Variants in FLNB observed in about 807,000 individuals in gnomAD.
FLNB encodes the protein filamin B.
FLNB carries 111 observed loss-of-function variants against 250.6 expected under a neutral mutation model. The observed-to-expected ratio is 0.44, with a 90% CI of 0.38 to 0.52. The LOEUF (loss-of-function observed/expected upper bound fraction) is 0.52. Among genes scored for constraint, FLNB ranks in the 20% least tolerant of loss-of-function variants. FLNB has a pLI of 0.00. For synonymous variants in FLNB, 1,302 were observed against 1,372.1 expected (o/e 0.95, Z 1.13); for missense variants, 2,869 against 3,447.8 (o/e 0.83, Z 4.20).
In FLNB at chr3:58,164,910, G is replaced by A. The variant is rs2097367847; in HGVS notation, c.7198+1580G>A. The A allele has an allele frequency of 6.6e-6, 1 of 152,450 alleles. No individual in the cohort carries two copies. 9.4% of individuals were successfully genotyped at this position (152,450 alleles called of 1,614,324 possible). On this transcript the variant is annotated intron_variant, in intron 43 of 45. Transcript: ENST00000295956. The surrounding 1 kb of genome is among the most constrained non-coding windows in gnomAD (Gnocchi z 4.0). ...CTACATCCGTGACCTCAGAGCCTATGCGCTGAACCCCCGAGCTTGGCCCCC... is the reference window on the plus strand; with the variant it reads ...CTACATCCGTGACCTCAGAGCCTATACGCTGAACCCCCGAGCTTGGCCCCC...
intron 1 of FLNB, among the ~76,000 whole-genome samples, chr3:58,047,730 T>G (rs1171094364): frequency 1.3e-5 from 2 of 151,970 alleles, no homozygotes; most frequent in Non-Finnish European, 2.9e-5. Context: ...CGGGCCACCA[T>G]GCCCAGCTAA....
At chr3:58,021,667 A>G (rs951310484) in intron 1 of FLNB, among the ~76,000 whole-genome samples, 1 of 152,094 alleles carries the variant, frequency 6.6e-6, no homozygotes, top group Admixed American at 6.5e-5. Flanking sequence ...CTCTTACCTA[A>G]TTGTCTCTCC....
intron 41 of FLNB, 31 bp downstream of exon 41, chr3:58,156,106 G>A (rs201917531): frequency 6.4e-7 from 1 of 1,552,832 alleles, no homozygotes; most frequent in East Asian, 2.2e-5. Context: ...CATCTCCTTG[G>A]CCGCAGGCCA....
intron 1 of FLNB, among the ~76,000 whole-genome samples, chr3:58,037,307 C>T (rs1000302672): frequency 2.2e-4 from 34 of 152,128 alleles, no homozygotes; most frequent in African/African-American, 6.0e-4. Context: ...TCAGGCCATC[C>T]GCTCGCTTTG....
At chr3:58,112,640 CACACATGTGCACA>C (rs1282130967) in intron 18 of FLNB, among the ~76,000 whole-genome samples, 1 of 152,188 alleles carries the variant, frequency 6.6e-6, no homozygotes, top group Non-Finnish European at 1.5e-5. Context: ...TACACATGTG[CACACATGTGCACA>C]CACACACACA....
chr3:58,042,069 C>T (rs1445201351), intron 1 of FLNB, among the ~76,000 whole-genome samples: 1 of 152,178 alleles, frequency 6.6e-6, no homozygotes, highest in Non-Finnish European at 1.5e-5. Flanking sequence ...CATTCTTCCC[C>T]AGCTTTGCAT....
intron 24 of FLNB, among the ~76,000 whole-genome samples, chr3:58,127,998 G>A (rs1043513360): frequency 1.3e-4 from 20 of 152,278 alleles, no homozygotes; most frequent in African/African-American, 4.8e-4. Flanking sequence ...CGAGGGCTGG[G>A]GCTGTTCTGG....
chr3:58,050,852 C>T (rs1475089733), intron 1 of FLNB, among the ~76,000 whole-genome samples: 1 of 152,184 alleles, frequency 6.6e-6, no homozygotes, highest in Non-Finnish European at 1.5e-5. Context: ...GGCAAATAGG[C>T]CTCTCCCAGC....
rs755395062 is a variant in FLNB at position 58,124,504 on chromosome 3, A to G, written c.3897A>G (p.Lys1299=). Residue 1299 remains lysine, a splice_region_variant and synonymous_variant, in exon 22 of 46, where the codon AAA becomes AAG. Coordinates refer to ENST00000295956, the MANE Select transcript of FLNB (RefSeq NM_001457.4). ...TYQVEYTPFE[K]GLHVVEVTYD... is the part of the protein sequence containing the mutation. ...AGGTGGAATACACACCCTTTGAGAA[A>G]GGTGAGCCGCCCTGTCCTCGGACTG... 6.2e-7 allele frequency: 1 copy of G among 1,614,152 alleles called. No individual in the cohort carries two copies. The highest frequency in any genetic ancestry group is 1.1e-5 in the South Asian group (1 of 91,080).
At chr3:58,060,240 G>A in intron 1 of FLNB, among the ~76,000 whole-genome samples, 1 of 152,136 alleles carries the variant, frequency 6.6e-6, no homozygotes, top group East Asian at 1.9e-4. Flanking sequence ...CCCAAGGCTG[G>A]GTGTGGTGGC....
intron 29 of FLNB, among the ~76,000 whole-genome samples, 171 bp downstream of exon 29, chr3:58,138,700 G>A (rs1364781871): frequency 1.3e-5 from 2 of 152,120 alleles, no homozygotes; most frequent in African/African-American, 4.8e-5. Flanking sequence ...GAAACTCAGA[G>A]ACCCTTTGGC....
chr3:58,106,595 G>A, intron 11 of FLNB, 85 bp from the exon 12 acceptor site: 1 of 1,294,386 alleles, frequency 7.7e-7, no homozygotes, highest in Non-Finnish European at 1.1e-6. Context: ...GGCTTTTAGG[G>A]AGGCAGCGGG....
intron 8 of FLNB, among the ~76,000 whole-genome samples, chr3:58,100,595 TTTTTTG>T (rs1413078367): frequency 5.1e-5 from 7 of 138,462 alleles, no homozygotes; most frequent in East Asian, 4.5e-4. Flanking sequence ...TTTTCTTTTT[TTTTTTG>T]TTTTGTTTTG....
intron 1 of FLNB, 27 bp from the exon 2 acceptor site, chr3:58,077,019 T>G (rs927979247): frequency 2.5e-5 from 40 of 1,613,846 alleles, no homozygotes; most frequent in Non-Finnish European, 3.4e-5. Context: ...CCCAAAGGAA[T>G]GACCAAGCCT....
At position 58,078,485 on chromosome 3, in the gene FLNB, C is replaced by T. The variant is rs752265407; in HGVS notation, c.542-232C>T. The T allele has an allele frequency of 8.6e-5, 132 of 1,536,226 alleles. 1 individual carries two copies. In the South Asian group the frequency reaches 1.5e-3, roughly 18 times the overall value. On this transcript the variant is annotated intron_variant, in intron 2 of 45. Transcript: ENST00000295956. ...TCAAGGAATGGATAATCCCCATCTT[C>T]ATGCAAGAACATAGCACCCGGAGGA... is the stretch of plus-strand genomic sequence containing the variant.
chr3:58,065,693 T>A (rs1227182051), intron 1 of FLNB, among the ~76,000 whole-genome samples: 2 of 152,180 alleles, frequency 1.3e-5, no homozygotes, highest in Admixed American at 1.3e-4. Context: ...CCTGGCATGG[T>A]TCCTCCTGCC....
rs2106655742 is a variant in FLNB at position 58,008,853 on chromosome 3, A to G, written c.289A>G (p.Ile97Val). 8 of 1,613,622 alleles carry G rather than the reference A, an allele frequency of 5.0e-6. No individual in the cohort carries two copies. Among genetic ancestry groups the G allele is most frequent in the Non-Finnish European group, 6.8e-6 (8 of 1,179,976 alleles). ...LDRESIKLVS[I>V]DSKAIVDGNL... Reference sequence around the variant, plus strand: ...CCGTGAGAGCATCAAGCTCGTGTCCATCGGTGAGTTCTCTGGCCGGGCCCA... The same window carrying G: ...CCGTGAGAGCATCAAGCTCGTGTCCGTCGGTGAGTTCTCTGGCCGGGCCCA... Residue 97 changes from isoleucine to valine, a missense_variant, in exon 1 of 46, where the codon ATC (isoleucine) becomes GTC (valine). Physicochemically the swap from Ile to Val is conservative, Grantham distance 29. This residue lies in a region of FLNB where 308 missense variants were observed against 466.1 expected (regional missense o/e 0.66). Coordinates refer to ENST00000295956, the MANE Select transcript of FLNB (RefSeq NM_001457.4).
Position 58,110,178 on chromosome 3 carries a change from G to T in FLNB, c.2484+8G>T, listed in dbSNP as rs759532391. On this transcript the variant is annotated splice_region_variant and intron_variant, in intron 16 of 45. Coordinates refer to ENST00000295956, the MANE Select transcript of FLNB (RefSeq NM_001457.4). ...GTTCTCTTTGCATCTCAGGTACGTG[G>T]TGGGGCCTGGGAGGAGATGGGTGGA... 3.1e-6 allele frequency: 5 copies of T among 1,614,052 alleles called. No individual in the cohort carries two copies. Among genetic ancestry groups the T allele is most frequent in the African/African-American group, 1.3e-5 (1 of 74,936 alleles).
At chr3:58,064,389 T>C (rs1000074950) in intron 1 of FLNB, among the ~76,000 whole-genome samples, 2 of 152,160 alleles carry the variant, frequency 1.3e-5, no homozygotes, top group Non-Finnish European at 2.9e-5. Flanking sequence ...TTCAAACTCC[T>C]GATTTCAGGT....
Sources: allele counts gnomAD v4.1 joint callset (sites outside exome capture counted in the v4.1 genomes callset), GRCh38; gene constraint gnomAD v4.1.1; regional missense constraint gnomAD v4.1.1; non-coding constraint Gnocchi (gnomAD v3.1); transcripts MANE v1.5; gene names NCBI Gene and HGNC (gene_info 2026-07-23, HGNC 2026-07-21).